Variants in DGKZ observed in about 807,000 individuals in gnomAD.
The protein encoded by DGKZ is DAG kinase zeta.
DGKZ carries 45 observed loss-of-function variants against 142.5 expected under a neutral mutation model. That is an observed-to-expected ratio of 0.32 (90% CI 0.25 to 0.40). DGKZ has a LOEUF of 0.40. Among genes scored for constraint, DGKZ ranks in the 10% least tolerant of loss-of-function variants. DGKZ has a pLI of 1.00. For missense variants in DGKZ, 755 were observed against 1,306.5 expected (o/e 0.58, Z 6.51); for synonymous variants, 442 against 527.0 (o/e 0.84, Z 2.21).
intron 25 of DGKZ, 197 bp from the exon 26 acceptor site, chr11:46,378,001 G>T: frequency 1.5e-6 from 1 of 650,852 alleles, no homozygotes; most frequent in South Asian, 1.8e-5. Context: ...CCCTGAACTA[G>T]AATGTAAGCT....
At chr11:46,379,402 C>A in intron 29 of DGKZ, 67 bp from the exon 30 acceptor site, 1 of 1,581,460 alleles carries the variant, frequency 6.3e-7, no homozygotes, top group Non-Finnish European at 8.6e-7. Flanking sequence ...TTTCTGATGG[C>A]CCTTGGGAGA....
chr11:46,364,457 T>C (rs1943036772), intron 1 of DGKZ: 1 of 1,275,596 alleles, frequency 7.8e-7, no homozygotes, highest in African/African-American at 1.5e-5. Flanking sequence ...TGCAGCTCCC[T>C]CCGGCCCAGG....
In DGKZ at chr11:46,367,169, C is replaced by A; in HGVS notation, c.162-122C>A. On this transcript the variant is annotated intron_variant, in intron 1 of 30. Transcript: ENST00000527911. The surrounding 1 kb of genome is among the most constrained non-coding windows in gnomAD (Gnocchi z 4.1). ...GGGAGCCTCTTAGTGTCTGGGGCTGCTGGGAGGCTCCTCCGCCCTCCCTGT... is the reference window on the plus strand; with the variant it reads ...GGGAGCCTCTTAGTGTCTGGGGCTGATGGGAGGCTCCTCCGCCCTCCCTGT... 1.6e-6 allele frequency: 2 copies of A among 1,254,264 alleles called. No individual in the cohort carries two copies. The highest frequency in any genetic ancestry group is 2.3e-6 in the Non-Finnish European group (2 of 879,476). 77.7% of individuals were successfully genotyped at this position (1,254,264 alleles called of 1,614,324 possible).
At chr11:46,350,006 C>T (rs1001892299) in intron 1 of DGKZ, among the ~76,000 whole-genome samples, 11 of 152,154 alleles carry the variant, frequency 7.2e-5, no homozygotes, top group African/African-American at 1.9e-4. Context: ...CACAGTAGTC[C>T]GTCACGCTGG....
intron 25 of DGKZ, 132 bp from the exon 26 acceptor site, chr11:46,378,066 G>A: frequency 8.6e-7 from 1 of 1,166,828 alleles, no homozygotes; most frequent in African/African-American, 1.5e-5. Flanking sequence ...CCCAGTGCCT[G>A]GAATAGTGCT....
intron 15 of DGKZ, 51 bp from the exon 16 acceptor site, chr11:46,374,348 C>G: frequency 6.2e-7 from 1 of 1,612,866 alleles, no homozygotes; most frequent in South Asian, 1.1e-5. Context: ...CCCAACCCCA[C>G]CTGGGCAGGC....
chr11:46,347,322 C>T, upstream of DGKZ: 2 of 985,036 alleles, frequency 2.0e-6, no homozygotes, highest in Non-Finnish European at 2.4e-6. The surrounding 1 kb of genome is among the most constrained non-coding windows in gnomAD (Gnocchi z 6.4). Flanking sequence ...CCCCTCGGAC[C>T]GCCCCAGCGG....
upstream of DGKZ, among the ~76,000 whole-genome samples, chr11:46,346,139 G>A (rs769749420): frequency 2.6e-5 from 4 of 152,170 alleles, no homozygotes; most frequent in Non-Finnish European, 5.9e-5. Flanking sequence ...TCTGGGCCTC[G>A]GGGTGCTGGT....
chr11:46,365,038 T>C (rs1943093617), intron 1 of DGKZ: 6 of 985,214 alleles, frequency 6.1e-6, no homozygotes, highest in African/African-American at 3.5e-5. Context: ...CTTCCCCCAC[T>C]GTTAGGAGAG....
chr11:46,365,989 G>T, intron 1 of DGKZ: 1 of 985,290 alleles, frequency 1.0e-6, no homozygotes, highest in Non-Finnish European at 1.2e-6. Flanking sequence ...GGTGCAATGG[G>T]GGAGAGCATC....
intron 1 of DGKZ, chr11:46,364,258 A>C (rs1039168559): frequency 9.0e-6 from 8 of 890,256 alleles, no homozygotes; most frequent in Non-Finnish European, 1.3e-5. Context: ...CTCTGCGTCA[A>C]CTTCCTCATC....
chr11:46,354,227 C>G (rs770527851), intron 1 of DGKZ, among the ~76,000 whole-genome samples: 16 of 152,228 alleles, frequency 1.1e-4, no homozygotes, highest in African/African-American at 3.9e-4. Context: ...CCCTCTGTCA[C>G]CCAGGCTGGA....
chr11:46,371,570 G>T (rs764509879), exon 8 of DGKZ: 2 of 1,610,864 alleles, frequency 1.2e-6, no homozygotes, highest in Non-Finnish European at 1.7e-6. Flanking sequence ...TGGTCATCCC[G>T]CCCACCTGGA....
intron 25 of DGKZ, 99 bp from the exon 26 acceptor site, chr11:46,378,099 A>G: frequency 6.8e-7 from 1 of 1,461,680 alleles, no homozygotes. Context: ...GGCACTCAAT[A>G]AACTGTGGAA....
intron 1 of DGKZ, among the ~76,000 whole-genome samples, chr11:46,338,203 A>T (rs926516625): frequency 2.6e-5 from 4 of 152,200 alleles, no homozygotes; most frequent in African/African-American, 9.6e-5. Flanking sequence ...TTAAAAACTT[A>T]AAAAGCATTC....
At chr11:46,361,007 A>G (rs1942582904) in intron 1 of DGKZ, among the ~76,000 whole-genome samples, 1 of 152,234 alleles carries the variant, frequency 6.6e-6, no homozygotes, top group Non-Finnish European at 1.5e-5. Flanking sequence ...AGTTGTGGGC[A>G]GTCACGGGCT....
rs1314032389 is a variant in DGKZ, at chr11:46,377,100, G to A, written c.2230G>A (p.Ala744Thr). Reference sequence around the variant, plus strand: ...GCACCTCAACTATGTGACTGAGATCGCACAGGATGAGATTTATATCCTGGA... The same window carrying A: ...GCACCTCAACTATGTGACTGAGATCACACAGGATGAGATTTATATCCTGGA... Residue 744 changes from alanine to threonine, a missense_variant, in exon 25 of 31, where the codon GCA becomes ACA. Coordinates refer to ENST00000527911, the Ensembl canonical transcript of DGKZ. The A allele has an allele frequency of 1.9e-6, 3 of 1,613,402 alleles. No individual in the cohort carries two copies. The highest frequency in any genetic ancestry group is 2.2e-5 in the East Asian group (1 of 44,850).
intron 1 of DGKZ, among the ~76,000 whole-genome samples, chr11:46,352,197 A>G (rs1259771458): frequency 6.6e-6 from 1 of 152,224 alleles, no homozygotes; most frequent in Admixed American, 6.5e-5. Context: ...GGCCCCTCGG[A>G]GAAGCAGGGA....
intron 1 of DGKZ, among the ~76,000 whole-genome samples, chr11:46,356,471 G>C (rs943906779): frequency 6.6e-6 from 1 of 152,206 alleles, no homozygotes; most frequent in South Asian, 2.1e-4. Flanking sequence ...TAGAAGCAAT[G>C]TGAGGCCCTG....
Sources: gnomAD v4.1 joint callset for allele counts (sites outside exome capture counted in the v4.1 genomes callset) on GRCh38, gnomAD v4.1.1 for gene constraint, Gnocchi (gnomAD v3.1) non-coding constraint, MANE v1.5 for transcripts, NCBI Gene and HGNC (gene_info 2026-07-23, HGNC 2026-07-21) for gene names.